UGCG: variants seen among roughly 807,000 people sequenced by gnomAD.
UGCG encodes the protein UDP-glucose ceramide glucosyltransferase, also known as ceramide glucosyltransferase.
UGCG carries 10 observed loss-of-function variants against 49.5 expected under a neutral mutation model. The observed-to-expected ratio is 0.20, with a 90% CI of 0.12 to 0.34. The LOEUF is 0.34. Ranked by LOEUF, UGCG falls within the 10% of genes least tolerant of loss-of-function variation. The probability of loss-of-function intolerance (pLI) is 1.00; values close to 1 mark genes in which losing one functional copy is unlikely to be tolerated. For synonymous variants in UGCG, 182 were observed against 158.2 expected (o/e 1.15, Z -1.13); for missense variants, 312 against 483.7 (o/e 0.65, Z 3.33).
intron 1 of UGCG, among the ~76,000 whole-genome samples, chr9:111,908,570 A>G (rs187551871): frequency 8.4e-4 from 128 of 152,348 alleles, no homozygotes; most frequent in Non-Finnish European, 1.4e-3. Context: ...TACATTATGT[A>G]TCAATAAAAA....
chr9:111,921,490 C>G (rs73530572), intron 2 of UGCG, among the ~76,000 whole-genome samples: 15,662 of 151,678 alleles, frequency 0.1, 1,250 homozygotes, highest in African/African-American at 0.22. Context: ...ACTAAAAATA[C>G]AAAAATTAGC....
chr9:111,921,132 G>A (rs1180688727), intron 2 of UGCG, among the ~76,000 whole-genome samples: 2 of 151,724 alleles, frequency 1.3e-5, no homozygotes, highest in Non-Finnish European at 2.9e-5. Flanking sequence ...TCAAAAACTT[G>A]ACCTGAAGTG....
intron 1 of UGCG, among the ~76,000 whole-genome samples, chr9:111,900,975 AGCTGGGACTACCGGT>A (rs1564196566): frequency 6.6e-6 from 1 of 151,922 alleles, no homozygotes; most frequent in Non-Finnish European, 1.5e-5. Context: ...CCTCCCAAGT[AGCTGGGACTACCGGT>A]GCATGCCATC....
At chr9:111,928,279 G>T (rs2118594267) in intron 5 of UGCG, among the ~76,000 whole-genome samples, 1 of 152,154 alleles carries the variant, frequency 6.6e-6, no homozygotes, top group East Asian at 1.9e-4. Flanking sequence ...CAGAATTTTT[G>T]TTTAGAAAAA....
intron 1 of UGCG, among the ~76,000 whole-genome samples, chr9:111,899,605 ATG>A (rs1266288574): frequency 6.6e-6 from 1 of 152,106 alleles, no homozygotes; most frequent in African/African-American, 2.4e-5. Context: ...GTGTGTGTGC[ATG>A]TGTGTTTTAG....
At chr9:111,923,692 G>A (rs1271868287) in intron 3 of UGCG, among the ~76,000 whole-genome samples, 1 of 151,854 alleles carries the variant, frequency 6.6e-6, no homozygotes, top group African/African-American at 2.4e-5. Context: ...GAGTGCAATG[G>A]CACAATTTCA....
intron 1 of UGCG, among the ~76,000 whole-genome samples, chr9:111,913,764 GCC>G (rs1466529511): frequency 6.6e-6 from 1 of 152,022 alleles, no homozygotes; most frequent in Admixed American, 6.6e-5. Context: ...TTCATTAGGA[GCC>G]CTGCTGTGCT....
intron 2 of UGCG, among the ~76,000 whole-genome samples, chr9:111,921,399 C>T (rs1838219114): frequency 6.6e-6 from 1 of 151,986 alleles, no homozygotes; most frequent in African/African-American, 2.4e-5. Context: ...CGCCTGTAAT[C>T]CCAGCACTTT....
intron 5 of UGCG, 194 bp from the exon 6 acceptor site, chr9:111,929,306 A>G (rs761516934): frequency 1.8e-5 from 8 of 447,820 alleles, no homozygotes; most frequent in East Asian, 3.9e-5. Context: ...ATTTGGATGC[A>G]TTTTTAGCTT....
rs758039660 is a variant in UGCG at position 111,929,649 on chromosome 9, T to C, written c.708T>C (p.Asp236=). 1 of 1,613,852 alleles carries C rather than the reference T, an allele frequency of 6.2e-7. No homozygotes were observed. Among genetic ancestry groups the C allele is most frequent in the South Asian group, 1.1e-5 (1 of 90,954 alleles). The part of the protein sequence containing the change: ...LIAFAQYIAE[D]YFMAKAIADR... ...CTTTTGCTCAGTACATTGCCGAAGA[T>C]TACTTTATGGCCAAAGCGATAGCTG... The change falls in exon 6 of 9, where the codon GAT becomes GAC. Residue 236 remains aspartate (D), a synonymous_variant. Transcript: ENST00000374279.
At chr9:111,915,669 A>G (rs1051246052) in intron 2 of UGCG, 53 of 559,400 alleles carry the variant, frequency 9.5e-5, no homozygotes, top group Non-Finnish European at 1.2e-4. Flanking sequence ...TTTTTTGGAC[A>G]GGGTAGCTCA....
At chr9:111,914,407 T>G (rs140365488) in intron 1 of UGCG, among the ~76,000 whole-genome samples, 198 bp from the exon 2 acceptor site, 16 of 152,342 alleles carry the variant, frequency 1.1e-4, no homozygotes, top group South Asian at 2.1e-4. Flanking sequence ...TAAGAAAGTT[T>G]ATGAATTTGT....
At chr9:111,923,112 CA>C (rs763368226) in intron 3 of UGCG, among the ~76,000 whole-genome samples, 161 bp downstream of exon 3, 1 of 151,660 alleles carries the variant, frequency 6.6e-6, no homozygotes, top group African/African-American at 2.4e-5. Flanking sequence ...GTTATAAAAA[CA>C]AAGGTTTTTT....
chr9:111,917,300 G>A (rs1838129542), intron 2 of UGCG, among the ~76,000 whole-genome samples: 1 of 152,230 alleles, frequency 6.6e-6, no homozygotes, highest in Admixed American at 6.5e-5. Context: ...TGATTTCACA[G>A]CATTTTATTT....
chr9:111,932,968 G>A lies in UGCG; in HGVS notation c.1156G>A (p.Gly386Ser), dbSNP rs1225729684. The change falls in exon 9 of 9, where the codon GGT (glycine) becomes AGT (serine). Residue 386 changes from glycine (G) to serine (S), a missense_variant. This residue lies in a region of UGCG where 180 missense variants were observed against 320.4 expected (regional missense o/e 0.56). Transcript: ENST00000374279. ...TGGTCGCTACAGATTACGCTGTGGG[G>A]GTACAGCAGAGGAAATCCTAGATGT... is the stretch of plus-strand genomic sequence containing the variant. ...RTGRYRLRCG[G>S]TAEEILDV is the part of the protein sequence containing the mutation. 1 of 1,597,812 alleles carries A rather than the reference G, an allele frequency of 6.3e-7. No individual in the cohort carries two copies. The highest frequency in any genetic ancestry group is 8.5e-7 in the Non-Finnish European group (1 of 1,171,672).
chr9:111,901,052 G>A (rs1837760982), intron 1 of UGCG, among the ~76,000 whole-genome samples: 2 of 152,074 alleles, frequency 1.3e-5, no homozygotes, highest in African/African-American at 4.8e-5. Flanking sequence ...CTGGGCTCAA[G>A]TGATCCCCCC....
At chr9:111,903,102 G>T (rs1364345377) in intron 1 of UGCG, among the ~76,000 whole-genome samples, 3 of 152,136 alleles carry the variant, frequency 2.0e-5, no homozygotes, top group African/African-American at 7.2e-5. Flanking sequence ...TGCCTCACTT[G>T]TGAGGAGCTG....
chr9:111,898,398 T>C (rs1837706715), intron 1 of UGCG, among the ~76,000 whole-genome samples: 1 of 151,904 alleles, frequency 6.6e-6, no homozygotes, highest in African/African-American at 2.4e-5. Flanking sequence ...TTTTTGGTTT[T>C]TTTTTTTTCC....
At chr9:111,919,224 G>A (rs1347433625) in intron 2 of UGCG, among the ~76,000 whole-genome samples, 1 of 152,204 alleles carries the variant, frequency 6.6e-6, no homozygotes, top group Non-Finnish European at 1.5e-5. Context: ...TAAAGGCTGG[G>A]CATAGTGGCT....
Sources: gnomAD v4.1 joint callset for allele counts (sites outside exome capture counted in the v4.1 genomes callset) on GRCh38, gnomAD v4.1.1 for gene constraint, gnomAD v4.1.1 regional missense constraint, MANE v1.5 for transcripts, NCBI Gene and HGNC (gene_info 2026-07-23, HGNC 2026-07-21) for gene names.